The following MYO9A variants were observed in gnomAD, a reference collection of about 807,000 sequenced individuals.
MYO9A encodes unconventional myosin-IXa.
MYO9A carries 103 observed loss-of-function variants against 293.3 expected under a neutral mutation model. The observed-to-expected ratio is 0.35, with a 90% confidence interval of 0.30 to 0.41. The LOEUF is 0.41. MYO9A is among the 10% of genes least tolerant of loss of function. The pLI is 1.00. For missense variants in MYO9A, 2,685 were observed against 3,033.0 expected (o/e 0.89, Z 2.69); for synonymous variants, 1,001 against 1,035.7 (o/e 0.97, Z 0.64).
chr15:72,106,607 T>A lies in MYO9A; in HGVS notation c.-72+11073A>T, dbSNP rs145142225. On this transcript the variant is annotated intron_variant, in intron 1 of 41. Transcript: ENST00000356056. The stretch of plus-strand genomic sequence containing the variant: ...AAGAATAAAATCAAGGGTTTTTTTT[T>A]ATTTTTTTTTTGAAATAGGGTTTCA... Among the ~76,000 whole-genome samples the A allele has an allele frequency of 4.1e-4, 63 of 152,292 alleles. No individual in the cohort carries two copies. In the East Asian group the frequency reaches 9.3e-3, roughly 22 times the overall value.
At chr15:71,979,001 A>G (rs1350942665) in intron 11 of MYO9A, among the ~76,000 whole-genome samples, 1 of 152,140 alleles carries the variant, frequency 6.6e-6, no homozygotes, top group African/African-American at 2.4e-5. Flanking sequence ...ATGTTTCTGC[A>G]CTGCAGTGGT....
chr15:71,872,974 G>A (rs1249237361), intron 32 of MYO9A, among the ~76,000 whole-genome samples: 7 of 151,044 alleles, frequency 4.6e-5, no homozygotes, highest in Non-Finnish European at 7.4e-5. Flanking sequence ...GTGCAGTGGC[G>A]CGATCTCGGC....
chr15:72,062,844 C>T (rs1815489152), intron 1 of MYO9A, among the ~76,000 whole-genome samples: 1 of 152,124 alleles, frequency 6.6e-6, no homozygotes, highest in South Asian at 2.1e-4. Context: ...ATAGAGAGAT[C>T]CCATCTCTAC....
chr15:72,034,057 G>A (rs1026118563), intron 2 of MYO9A, among the ~76,000 whole-genome samples: 9 of 152,078 alleles, frequency 5.9e-5, no homozygotes, highest in African/African-American at 1.2e-4. Context: ...ATATATACAC[G>A]GACGCACGCA....
intron 1 of MYO9A, among the ~76,000 whole-genome samples, chr15:72,092,354 G>C (rs1252848936): frequency 6.6e-6 from 1 of 152,210 alleles, no homozygotes; most frequent in African/African-American, 2.4e-5. Flanking sequence ...TGGGAGAAAG[G>C]AGAGTTCCTG....
Position 72,101,820 on chromosome 15 carries a change from G to A in MYO9A, c.-72+15860C>T, listed in dbSNP as rs1416828301. 4.1e-5 allele frequency among the ~76,000 whole-genome samples: 6 copies of A among 147,430 alleles called. No homozygotes were observed. In the East Asian group the frequency reaches 6.2e-4, roughly 15 times the overall value. ...CCGCCCCGTCCGGGAGGGAGGTGGC[G>A]GGGTCAGCCCCCCGCCCGGCCAGCC... On this transcript the variant is annotated intron_variant, in intron 1 of 41. Coordinates refer to ENST00000356056, the MANE Select transcript of MYO9A (RefSeq NM_006901.4).
intron 2 of MYO9A, among the ~76,000 whole-genome samples, chr15:72,042,829 A>C (rs1037810356): frequency 2.6e-5 from 4 of 152,092 alleles, no homozygotes; most frequent in Non-Finnish European, 5.9e-5. Context: ...TAGGAGGCCA[A>C]GACAGGAGAA....
chr15:71,982,440 C>T (rs2076299247), intron 11 of MYO9A, among the ~76,000 whole-genome samples: 1 of 152,074 alleles, frequency 6.6e-6, no homozygotes, highest in Non-Finnish European at 1.5e-5. Context: ...GGAAATCTGA[C>T]TTTCGCTTTA....
At chr15:71,839,329 C>G (rs2055058929) in intron 39 of MYO9A, among the ~76,000 whole-genome samples, 1 of 152,134 alleles carries the variant, frequency 6.6e-6, no homozygotes, top group South Asian at 2.1e-4. Flanking sequence ...GCAGTGAGAA[C>G]CTCTGCCAGG....
At chr15:71,939,634 T>C (rs545869713) in intron 15 of MYO9A, among the ~76,000 whole-genome samples, 14 of 152,352 alleles carry the variant, frequency 9.2e-5, no homozygotes, top group Middle Eastern at 3.4e-3. Context: ...TGAGTATCAA[T>C]GTATTGAGAA....
intron 11 of MYO9A, among the ~76,000 whole-genome samples, chr15:71,984,241 T>C (rs542436362): frequency 3.5e-4 from 53 of 152,352 alleles, no homozygotes; most frequent in African/African-American, 1.3e-3. Context: ...ACATTTAAGG[T>C]AGGCTATGTC....
At chr15:72,103,208 A>C (rs2080423076) in intron 1 of MYO9A, among the ~76,000 whole-genome samples, 1 of 151,146 alleles carries the variant, frequency 6.6e-6, no homozygotes, top group African/African-American at 2.4e-5. Context: ...GAAAAAAAAA[A>C]AGCAGCAGCA....
chr15:72,018,711 G>A (rs1292875549), intron 6 of MYO9A, among the ~76,000 whole-genome samples: 1 of 151,662 alleles, frequency 6.6e-6, no homozygotes, highest in South Asian at 2.1e-4. Context: ...AAATAAAAGG[G>A]GAAAAAAACC....
rs2076447978 is a variant in MYO9A, at chr15:71,988,006, A to G, written c.1722+3097T>C. Among the ~76,000 whole-genome samples the G allele has an allele frequency of 2.0e-5, 3 of 152,198 alleles. No homozygotes were observed. The South Asian group carries it at 6.2e-4, about 32-fold the overall frequency. On this transcript the variant is annotated intron_variant, in intron 11 of 41. Transcript: ENST00000356056. ...ACTCTAAGGTTTTTTATTTTTATAT[A>G]TAATACGTTTATGGCCAAGGCATTT...
At chr15:72,044,683 A>C (rs2078329278) in intron 2 of MYO9A, among the ~76,000 whole-genome samples, 1 of 152,202 alleles carries the variant, frequency 6.6e-6, no homozygotes. Flanking sequence ...TACTTGTAAA[A>C]CATCCCACAA....
chr15:71,960,126 T>TG, intron 13 of MYO9A, 30 bp from the exon 14 acceptor site: 1 of 1,596,704 alleles, frequency 6.3e-7, no homozygotes, highest in Non-Finnish European at 8.6e-7. Context: ...GTGTTACTTA[T>TG]GGGAAAAAAA....
At chr15:71,967,241 C>A (rs2075901325) in intron 13 of MYO9A, among the ~76,000 whole-genome samples, 2 of 152,164 alleles carry the variant, frequency 1.3e-5, no homozygotes, top group Non-Finnish European at 1.5e-5. Context: ...TATGCACACA[C>A]AATATGTATA....
intron 2 of MYO9A, among the ~76,000 whole-genome samples, chr15:72,040,498 C>T (rs2078195844): frequency 6.6e-6 from 1 of 152,204 alleles, no homozygotes; most frequent in Non-Finnish European, 1.5e-5. Context: ...CCTCATCTCA[C>T]TTTCCTGAAT....
chr15:71,893,027 A>C, intron 26 of MYO9A: 1 of 1,289,830 alleles, frequency 7.8e-7, no homozygotes, highest in Non-Finnish European at 1.0e-6. Flanking sequence ...TCACAGTGAG[A>C]AGCTTGGTCA....
Sources: gnomAD v4.1 joint callset for allele counts (sites outside exome capture counted in the v4.1 genomes callset) on GRCh38, gnomAD v4.1.1 for gene constraint, MANE v1.5 for transcripts, NCBI Gene and HGNC (gene_info 2026-07-23, HGNC 2026-07-21) for gene names.